ACSBG2: variants seen among roughly 807,000 people sequenced by gnomAD.
The protein encoded by ACSBG2 is long-chain-fatty-acid--CoA ligase ACSBG2.
A neutral mutation model predicts 74.7 loss-of-function variants in ACSBG2; 62 were observed. That is an observed-to-expected ratio of 0.83 (90% confidence interval 0.68 to 1.03). The LOEUF (loss-of-function observed/expected upper bound fraction) is 1.03. Ranked by LOEUF, ACSBG2 falls within the 50% of genes least tolerant of loss-of-function variation. The pLI is 0.00. For synonymous variants in ACSBG2, 309 were observed against 294.1 expected (o/e 1.05, Z -0.52); for missense variants, 730 against 817.6 (o/e 0.89, Z 1.31).
intron 7 of ACSBG2, among the ~76,000 whole-genome samples, chr19:6,173,923 A>C (rs1243149995): frequency 6.7e-6 from 1 of 149,374 alleles, no homozygotes; most frequent in African/African-American, 2.5e-5. Context: ...ACATGAGGAC[A>C]TCACTCTTGA....
At chr19:6,163,109 T>A (rs1248404152) in intron 6 of ACSBG2, among the ~76,000 whole-genome samples, 2 of 135,076 alleles carry the variant, frequency 1.5e-5, no homozygotes, top group Non-Finnish European at 3.1e-5. Flanking sequence ...ACCCTGTCTC[T>A]ACTAAAAATA....
At chr19:6,143,049 GTC>G (rs1296945261) in intron 2 of ACSBG2, among the ~76,000 whole-genome samples, 2 of 151,158 alleles carry the variant, frequency 1.3e-5, no homozygotes, top group Non-Finnish European at 3.0e-5. Flanking sequence ...ACAAAACCCT[GTC>G]TCTCTTAAAA....
At position 6,141,603 on chromosome 19, in the gene ACSBG2, A is replaced by C. The variant is rs760691117; in HGVS notation, c.60A>C (p.Lys20Asn). ...AAGATCTTGAAGTAGACATGAATAA[A>C]ACAGAAGGTATATTGCACTAAAGAG... ...GAKDLEVDMNKTEVTPRLWTT... is the reference protein window; with the variant it reads ...GAKDLEVDMNNTEVTPRLWTT... Residue 20 changes from lysine to asparagine, a missense_variant, in exon 2 of 15, where the codon AAA becomes AAC. Transcript: ENST00000588485. 6.3e-7 allele frequency: 1 copy of C among 1,597,772 alleles called. No homozygotes were observed. The highest frequency in any genetic ancestry group is 1.7e-5 in the Admixed American group (1 of 59,994).
chr19:6,176,238 G>T, intron 7 of ACSBG2: 1 of 1,286,428 alleles, frequency 7.8e-7, no homozygotes, highest in Non-Finnish European at 1.0e-6. Context: ...CTACCCAAGA[G>T]GCTGAAGTGG....
chr19:6,152,959 T>A (rs2089288381), intron 4 of ACSBG2, among the ~76,000 whole-genome samples: 1 of 152,128 alleles, frequency 6.6e-6, no homozygotes, highest in Non-Finnish European at 1.5e-5. Context: ...AATTTAAATA[T>A]CAGGCCGGGT....
chr19:6,184,423 GGCAGC>G, intron 10 of ACSBG2, among the ~76,000 whole-genome samples: 1 of 152,042 alleles, frequency 6.6e-6, no homozygotes, highest in Admixed American at 6.5e-5. Context: ...GAAATCATAA[GGCAGC>G]TCTTTGTAAG....
intron 12 of ACSBG2, 82 bp downstream of exon 12, chr19:6,187,504 G>T (rs1798700905): frequency 2.5e-6 from 4 of 1,602,320 alleles, no homozygotes; most frequent in Non-Finnish European, 3.4e-6. Context: ...TCAAGAGGAT[G>T]CATCTGTGGG....
intron 13 of ACSBG2, among the ~76,000 whole-genome samples, chr19:6,189,528 T>G (rs77127543): frequency 2.9e-5 from 4 of 136,356 alleles, no homozygotes; most frequent in East Asian, 2.0e-4. Context: ...CTGAGTCTTG[T>G]TTTTTTTTTG....
At chr19:6,136,151 G>GCTGGAGTACAGTGA (rs895235800) in intron 1 of ACSBG2, among the ~76,000 whole-genome samples, 11 of 148,632 alleles carry the variant, frequency 7.4e-5, no homozygotes, top group Non-Finnish European at 1.6e-4. Flanking sequence ...TGTTGCCCAG[G>GCTGGAGTACAGTGA]CGCAATCTCG....
intron 8 of ACSBG2, among the ~76,000 whole-genome samples, chr19:6,177,933 C>A (rs1246876472): frequency 6.7e-6 from 1 of 149,628 alleles, no homozygotes; most frequent in African/African-American, 2.5e-5. Context: ...TCAGTATTCC[C>A]AAATCTAAAA....
chr19:6,159,318 T>C (rs566872335), intron 5 of ACSBG2, among the ~76,000 whole-genome samples: 80 of 152,314 alleles, frequency 5.3e-4, no homozygotes, highest in African/African-American at 1.7e-3. Flanking sequence ...GTTTGTCCTC[T>C]TCCTAGCAGA....
chr19:6,189,192 T>C (rs759873711), intron 13 of ACSBG2, among the ~76,000 whole-genome samples: 17 of 152,212 alleles, frequency 1.1e-4, no homozygotes, highest in Non-Finnish European at 2.2e-4. Context: ...TCCCTGACCA[T>C]GCTGGCTAAA....
intron 7 of ACSBG2, among the ~76,000 whole-genome samples, chr19:6,172,873 G>A (rs1419453876): frequency 6.6e-6 from 1 of 152,146 alleles, no homozygotes; most frequent in Admixed American, 6.5e-5. Flanking sequence ...GGTCTCAGGG[G>A]TAGGGGCAGG....
intron 5 of ACSBG2, among the ~76,000 whole-genome samples, chr19:6,159,196 G>C (rs1388522274): frequency 6.6e-6 from 1 of 152,194 alleles, no homozygotes; most frequent in Non-Finnish European, 1.5e-5. Flanking sequence ...GGCCTCAAGT[G>C]ATCCAATGGC....
At chr19:6,177,049 T>C (rs1383070950) in intron 7 of ACSBG2, among the ~76,000 whole-genome samples, 180 bp from the exon 8 acceptor site, 1 of 151,976 alleles carries the variant, frequency 6.6e-6, no homozygotes, top group Non-Finnish European at 1.5e-5. Context: ...TAGTACCAGT[T>C]ACTCAGGAGG....
chr19:6,171,641 A>T (rs886865617), intron 7 of ACSBG2, among the ~76,000 whole-genome samples: 4 of 152,048 alleles, frequency 2.6e-5, no homozygotes, highest in Non-Finnish European at 5.9e-5. Flanking sequence ...AGATGCCTTT[A>T]AGATTTATTT....
At chr19:6,190,845 A>ACACACACACACT (rs1413013947) in intron 14 of ACSBG2, 153 bp downstream of exon 14, 1 of 555,092 alleles carries the variant, frequency 1.8e-6, no homozygotes, top group Non-Finnish European at 3.2e-6. Flanking sequence ...ACACACACAC[A>ACACACACACACT]CACACACTCT....
In ACSBG2 at chr19:6,190,710, G is replaced by C. The variant is rs1431149510; in HGVS notation, c.*35+18G>C. The C allele has an allele frequency of 1.6e-5, 24 of 1,538,386 alleles. No homozygotes were observed. Among genetic ancestry groups the C allele is most frequent in the African/African-American group, 2.7e-5 (2 of 73,232 alleles). ...TTCTGATGGTGAGATTCAGTTGCTT[G>C]GCTTTGCTGGGCTATGCATTCAGAG... On this transcript the variant is annotated intron_variant, in intron 14 of 14. Transcript: ENST00000588485.
chr19:6,139,658 C>G (rs1011140364), intron 1 of ACSBG2, among the ~76,000 whole-genome samples: 1 of 152,204 alleles, frequency 6.6e-6, no homozygotes, highest in Non-Finnish European at 1.5e-5. Flanking sequence ...CAATTTTCCT[C>G]CCTGAAAGCC....
Sources: allele counts gnomAD v4.1 joint callset (sites outside exome capture counted in the v4.1 genomes callset), GRCh38; gene constraint gnomAD v4.1.1; transcripts MANE v1.5; gene names NCBI Gene and HGNC (gene_info 2026-07-23, HGNC 2026-07-21).